ZNF804A: variants seen among roughly 807,000 people sequenced by gnomAD.
The protein encoded by ZNF804A is zinc finger protein 804A.
In ZNF804A, 2 loss-of-function variants were observed where a neutral mutation model predicts 16.5. That is an observed-to-expected ratio of 0.12 (90% CI 0.05 to 0.38). ZNF804A has a LOEUF of 0.38. Among genes scored for constraint, ZNF804A ranks in the 10% least tolerant of loss-of-function variants. The probability of loss-of-function intolerance (pLI) is 0.99; values close to 1 mark genes in which losing one functional copy is unlikely to be tolerated. For missense variants in ZNF804A, 1,473 were observed against 1,390.7 expected (o/e 1.06, Z -0.94); for synonymous variants, 534 against 489.6 (o/e 1.09, Z -1.20).
At chr2:184,771,201 C>A (rs1351988905) in intron 1 of ZNF804A, among the ~76,000 whole-genome samples, 1 of 151,838 alleles carries the variant, frequency 6.6e-6, no homozygotes, top group Non-Finnish European at 1.5e-5. Context: ...TTAAAATAGT[C>A]AATACTATTT....
chr2:184,927,572 AG>A (rs1332296270), intron 2 of ZNF804A, among the ~76,000 whole-genome samples: 1 of 152,192 alleles, frequency 6.6e-6, no homozygotes, highest in East Asian at 1.9e-4. Flanking sequence ...TAGGGAATCA[AG>A]TTCCTTCAGG....
chr2:184,798,899 T>C (rs1183314086), intron 1 of ZNF804A, among the ~76,000 whole-genome samples: 1 of 152,124 alleles, frequency 6.6e-6, no homozygotes, highest in Non-Finnish European at 1.5e-5. Flanking sequence ...AGGCTGTAGT[T>C]CAGATCCTTT....
intron 2 of ZNF804A, among the ~76,000 whole-genome samples, chr2:184,910,986 T>G (rs1685347069): frequency 6.6e-6 from 1 of 152,002 alleles, no homozygotes; most frequent in Non-Finnish European, 1.5e-5. Context: ...TTTAATTAGG[T>G]CCACTTGTCA....
intron 1 of ZNF804A, among the ~76,000 whole-genome samples, chr2:184,851,305 A>G (rs1485835930): frequency 2.6e-5 from 4 of 151,794 alleles, no homozygotes; most frequent in Non-Finnish European, 5.9e-5. Context: ...CCTAACTGAA[A>G]TTTTGTATTA....
At chr2:184,729,244 T>C (rs1054929585) in intron 1 of ZNF804A, among the ~76,000 whole-genome samples, 2 of 151,924 alleles carry the variant, frequency 1.3e-5, no homozygotes, top group African/African-American at 4.8e-5. Context: ...TTAGCTATTC[T>C]ACAATGCATA....
At chr2:184,710,217 G>A (rs927375920) in intron 1 of ZNF804A, among the ~76,000 whole-genome samples, 4 of 151,450 alleles carry the variant, frequency 2.6e-5, no homozygotes, top group African/African-American at 2.4e-5. Flanking sequence ...TTTGAAGTAC[G>A]TGGGCATGGG....
chr2:184,812,476 T>C (rs1207597690), intron 1 of ZNF804A, among the ~76,000 whole-genome samples: 1 of 152,082 alleles, frequency 6.6e-6, no homozygotes, highest in Admixed American at 6.6e-5. Flanking sequence ...TTTCCCCTCT[T>C]CTCTGACAGC....
chr2:184,694,153 TG>T (rs1406326555), intron 1 of ZNF804A, among the ~76,000 whole-genome samples: 2 of 151,900 alleles, frequency 1.3e-5, no homozygotes, highest in Non-Finnish European at 2.9e-5. Context: ...TTTACCATGT[TG>T]GTCAGGCTGG....
chr2:184,665,440 G>C lies in ZNF804A; in HGVS notation c.111+66370G>C, dbSNP rs146205542. ...TACAGAAAGAACTCATAAATTTTGG[G>C]ATTCCAATTTGGAGATAGTAATTGA... On this transcript the variant is annotated intron_variant, in intron 1 of 3. Coordinates refer to ENST00000302277, the MANE Select transcript of ZNF804A (RefSeq NM_194250.2). 9.6e-3 allele frequency among the ~76,000 whole-genome samples: 1,461 copies of C among 152,246 alleles called. 27 individuals carry two copies. The highest frequency in any genetic ancestry group is 0.034 in the African/African-American group (1,393 of 41,546).
chr2:184,672,406 C>T (rs1024784606), intron 1 of ZNF804A, among the ~76,000 whole-genome samples: 8 of 152,188 alleles, frequency 5.3e-5, no homozygotes, highest in Non-Finnish European at 1.0e-4. Context: ...TCCTTGCTTG[C>T]TCTGAGTATC....
intron 1 of ZNF804A, among the ~76,000 whole-genome samples, chr2:184,778,123 G>T (rs1160700185): frequency 6.6e-6 from 1 of 151,610 alleles, no homozygotes; most frequent in Non-Finnish European, 1.5e-5. Flanking sequence ...CTGCAAAGTA[G>T]CTGTGTTAAA....
chr2:184,682,610 A>G (rs887568461), intron 1 of ZNF804A, among the ~76,000 whole-genome samples: 1 of 152,198 alleles, frequency 6.6e-6, no homozygotes, highest in East Asian at 1.9e-4. Context: ...ATTGTAGTAC[A>G]GTGATTTTAC....
intron 1 of ZNF804A, among the ~76,000 whole-genome samples, chr2:184,842,677 C>A (rs139915202): frequency 6.6e-6 from 1 of 151,720 alleles, no homozygotes; most frequent in East Asian, 1.9e-4. Flanking sequence ...AAGAAATGAC[C>A]TATAGAAAAG....
intron 1 of ZNF804A, among the ~76,000 whole-genome samples, chr2:184,857,539 C>T (rs866882432): frequency 6.6e-5 from 10 of 152,036 alleles, no homozygotes; most frequent in African/African-American, 2.2e-4. Flanking sequence ...TATTGATTTT[C>T]TGTCTGAATG....
chr2:184,599,055 C>G lies in ZNF804A; in HGVS notation c.96C>G (p.Asn32Lys). ...KGVFRGPLSK[N>K]GNKTLDYAEK... ...TTTTCCGGGGCCCTCTCAGCAAGAA[C>G]GGGAACAAAACTCTGGTAATCGCTT... is the stretch of plus-strand genomic sequence containing the variant. The change falls in exon 1 of 4, where the codon AAC becomes AAG. Residue 32 changes from asparagine (N) to lysine (K), a missense_variant. By Grantham distance (94) the Asn-to-Lys change is moderately conservative. Transcript: ENST00000302277. The G allele has an allele frequency of 6.2e-7, 1 of 1,612,562 alleles. No individual in the cohort carries two copies. Among genetic ancestry groups the G allele is most frequent in the Non-Finnish European group, 8.5e-7 (1 of 1,178,782 alleles).
intron 1 of ZNF804A, among the ~76,000 whole-genome samples, chr2:184,851,412 C>T (rs13408992): frequency 2.6e-5 from 4 of 151,908 alleles, no homozygotes; most frequent in Middle Eastern, 3.2e-3. Flanking sequence ...TTAGGTTCCA[C>T]GTATACGTGA....
chr2:184,782,549 C>A (rs1694385877), intron 1 of ZNF804A, among the ~76,000 whole-genome samples: 1 of 151,526 alleles, frequency 6.6e-6, no homozygotes, highest in Non-Finnish European at 1.5e-5. Flanking sequence ...ACATTAGACT[C>A]CACGTTCTTC....
At position 184,938,588 on chromosome 2, in the gene ZNF804A, G is replaced by A. The variant is rs763862583; in HGVS notation, c.3192G>A (p.Lys1064=). 1.9e-6 allele frequency: 3 copies of A among 1,613,850 alleles called. No individual in the cohort carries two copies. Among genetic ancestry groups the A allele is most frequent in the African/African-American group, 2.7e-5 (2 of 74,866 alleles). ...TGCAGCCAAACATGCTGGCCAACAAGGTTAAATTTACCTTTCCTCCAGCTG... is the reference window on the plus strand; with the variant it reads ...TGCAGCCAAACATGCTGGCCAACAAAGTTAAATTTACCTTTCCTCCAGCTG... The part of the protein sequence containing the change: ...HILQPNMLAN[K]VKFTFPPAAL... Residue 1064 remains lysine (K), a synonymous_variant, in exon 4 of 4, where the codon AAG becomes AAA. Transcript: ENST00000302277.
At position 184,605,437 on chromosome 2, in the gene ZNF804A, T is replaced by C. The variant is rs542129614; in HGVS notation, c.111+6367T>C. ...TCTGAGAAAATGTTACAATACATAG[T>C]AGGACCTTCATATCCATGGGTTCTC... On this transcript the variant is annotated intron_variant, in intron 1 of 3. Transcript: ENST00000302277. 4.6e-5 allele frequency among the ~76,000 whole-genome samples: 7 copies of C among 152,270 alleles called. No homozygotes were observed. In the South Asian group the frequency reaches 1.5e-3, roughly 32 times the overall value.
Sources: allele counts gnomAD v4.1 joint callset (sites outside exome capture counted in the v4.1 genomes callset), GRCh38; gene constraint gnomAD v4.1.1; transcripts MANE v1.5; gene names NCBI Gene and HGNC (gene_info 2026-07-23, HGNC 2026-07-21).